The following CDKAL1 variants were observed in gnomAD, a reference collection of about 807,000 sequenced individuals.
CDKAL1 encodes CDKAL1 threonylcarbamoyladenosine tRNA methylthiotransferase, also known as threonylcarbamoyladenosine tRNA methylthiotransferase.
A neutral mutation model predicts 68.2 loss-of-function variants in CDKAL1; 32 were observed. The ratio of observed to expected loss-of-function variants is 0.47; its 90% confidence interval spans 0.35 to 0.63. The LOEUF (loss-of-function observed/expected upper bound fraction) is 0.63. Ranked by LOEUF, CDKAL1 falls within the 30% of genes least tolerant of loss-of-function variation. CDKAL1 has a pLI of 0.00. For missense variants in CDKAL1, 606 were observed against 696.7 expected (o/e 0.87, Z 1.47); for synonymous variants, 234 against 244.3 (o/e 0.96, Z 0.39).
chr6:20,914,778 T>C (rs1762646064), intron 9 of CDKAL1, among the ~76,000 whole-genome samples: 1 of 152,238 alleles, frequency 6.6e-6, no homozygotes, highest in Non-Finnish European at 1.5e-5. Context: ...TAAGAAGCTC[T>C]GTAGTAAACA....
chr6:20,956,463 A>G (rs577058975), intron 10 of CDKAL1, among the ~76,000 whole-genome samples: 37 of 152,208 alleles, frequency 2.4e-4, no homozygotes, highest in Non-Finnish European at 4.6e-4. Context: ...AAATAAAATA[A>G]TTACTTTAGA....
chr6:20,707,240 A>G (rs1471755818), intron 5 of CDKAL1, among the ~76,000 whole-genome samples: 1 of 152,186 alleles, frequency 6.6e-6, no homozygotes, highest in Non-Finnish European at 1.5e-5. Context: ...AAGTGGTCCC[A>G]GTGTTTTGGG....
chr6:20,964,050 G>GA (rs1167586713), intron 10 of CDKAL1, among the ~76,000 whole-genome samples: 27 of 147,720 alleles, frequency 1.8e-4, no homozygotes, highest in East Asian at 2.0e-4. Context: ...ACCATCATAT[G>GA]AAAAAAAAAA....
intron 6 of CDKAL1, among the ~76,000 whole-genome samples, chr6:20,745,540 C>T (rs547874080): frequency 1.3e-5 from 2 of 152,168 alleles, no homozygotes; most frequent in African/African-American, 4.8e-5. Flanking sequence ...CCTTCCTTGA[C>T]CTGTTGGTTT....
intron 5 of CDKAL1, among the ~76,000 whole-genome samples, chr6:20,733,841 T>C (rs1449129435): frequency 6.6e-6 from 1 of 152,132 alleles, no homozygotes; most frequent in African/African-American, 2.4e-5. Context: ...TTTTTTATTA[T>C]GCTATGAATT....
intron 9 of CDKAL1, among the ~76,000 whole-genome samples, chr6:20,886,902 C>T (rs868215370): frequency 1.3e-5 from 2 of 152,260 alleles, no homozygotes; most frequent in Admixed American, 6.5e-5. Context: ...ATATTCAAGA[C>T]ATGGACTGGG....
At chr6:20,953,869 T>A (rs1422750215) in intron 9 of CDKAL1, among the ~76,000 whole-genome samples, 1 of 152,206 alleles carries the variant, frequency 6.6e-6, no homozygotes, top group Non-Finnish European at 1.5e-5. Flanking sequence ...TACTACTAAT[T>A]TTCAGATGCT....
chr6:20,593,560 T>G (rs9460526), intron 4 of CDKAL1, among the ~76,000 whole-genome samples: 4,186 of 151,746 alleles, frequency 0.028, 181 homozygotes, highest in African/African-American at 0.09. Flanking sequence ...TTCTTCTCTC[T>G]TTTCTTCTTT....
Position 20,676,703 on chromosome 6 carries a change from A to AAAT in CDKAL1, c.371+27328_371+27329insTAA, listed in dbSNP as rs574363733. ...TAAATAAATAAATAAATAAATAAAT[A>AAAT]AAATAAAATAAAATAAAAAAGTCTT... On this transcript the variant is annotated intron_variant, in intron 5 of 15. Coordinates refer to ENST00000274695, the MANE Select transcript of CDKAL1 (RefSeq NM_017774.3). 7.7e-3 allele frequency among the ~76,000 whole-genome samples: 1,054 copies of AAAT among 137,294 alleles called. 6 individuals are homozygous for AAAT. The highest frequency in any genetic ancestry group is 0.025 in the South Asian group (111 of 4,452). The allele number at this position is 137,294 out of a possible 152,430, so 90.1% of individuals were successfully genotyped here. A position where few individuals can be genotyped will look rare whatever the true frequency, so the allele number is the denominator to read the frequency against.
At chr6:21,032,680 A>C (rs916197170) in intron 11 of CDKAL1, among the ~76,000 whole-genome samples, 3 of 151,724 alleles carry the variant, frequency 2.0e-5, no homozygotes, top group African/African-American at 7.3e-5. Context: ...TTACCATTGC[A>C]TTTCAGTTGC....
At chr6:21,046,244 C>T (rs1770222148) in intron 11 of CDKAL1, among the ~76,000 whole-genome samples, 1 of 152,208 alleles carries the variant, frequency 6.6e-6, no homozygotes, top group African/African-American at 2.4e-5. Flanking sequence ...ATGTTATTTC[C>T]TTCCCTCCGT....
intron 15 of CDKAL1, among the ~76,000 whole-genome samples, chr6:21,215,723 T>C (rs1779318471): frequency 6.6e-6 from 1 of 152,160 alleles, no homozygotes; most frequent in Admixed American, 6.5e-5. Context: ...TATCCGGTGC[T>C]TTTCTCTGAG....
chr6:21,150,352 A>G (rs1367162706), intron 13 of CDKAL1, among the ~76,000 whole-genome samples: 2 of 152,192 alleles, frequency 1.3e-5, no homozygotes, highest in Non-Finnish European at 2.9e-5. Flanking sequence ...CTAAAAATCA[A>G]AACTCCTGAT....
At chr6:20,594,092 C>T (rs1765712134) in intron 4 of CDKAL1, among the ~76,000 whole-genome samples, 1 of 152,120 alleles carries the variant, frequency 6.6e-6, no homozygotes, top group South Asian at 2.1e-4. Flanking sequence ...TGTTTTACTT[C>T]CAATTATGTG....
At chr6:21,044,472 A>G (rs1770110270) in intron 11 of CDKAL1, among the ~76,000 whole-genome samples, 1 of 152,162 alleles carries the variant, frequency 6.6e-6, no homozygotes. Context: ...TGCTTCTTAC[A>G]TTGGTGGTCA....
intron 15 of CDKAL1, among the ~76,000 whole-genome samples, chr6:21,224,779 T>C (rs549674901): frequency 1.7e-4 from 26 of 152,326 alleles, no homozygotes; most frequent in African/African-American, 6.0e-4. Flanking sequence ...AAAGTAGCAA[T>C]AGAGAACTCA....
chr6:20,897,334 A>G (rs992046878), intron 9 of CDKAL1, among the ~76,000 whole-genome samples: 1 of 152,170 alleles, frequency 6.6e-6, no homozygotes, highest in Admixed American at 6.5e-5. Context: ...CCCAGTAGGA[A>G]TGAATTGGGC....
chr6:20,754,743 T>C (rs1774096480), intron 6 of CDKAL1, among the ~76,000 whole-genome samples: 2 of 152,238 alleles, frequency 1.3e-5, no homozygotes, highest in African/African-American at 4.8e-5. Flanking sequence ...ATTTTCTGTG[T>C]TGTCATGTTA....
At position 21,036,996 on chromosome 6, in the gene CDKAL1, A is replaced by G. The variant is rs1054296949; in HGVS notation, c.1056-28052A>G. Reference sequence around the variant, plus strand: ...GAGGATTCGGATTATCATGGGCCTTATTTGCTCATCATTGATAAAGTTTGG... The same window carrying G: ...GAGGATTCGGATTATCATGGGCCTTGTTTGCTCATCATTGATAAAGTTTGG... On this transcript the variant is annotated intron_variant, in intron 11 of 15. Transcript: ENST00000274695. Among the ~76,000 whole-genome samples the G allele has an allele frequency of 2.6e-5, 4 of 152,226 alleles. No individual in the cohort carries two copies. The East Asian group carries it at 7.7e-4, about 29-fold the overall frequency.
Sources: gnomAD v4.1 joint callset for allele counts (sites outside exome capture counted in the v4.1 genomes callset) on GRCh38, gnomAD v4.1.1 for gene constraint, MANE v1.5 for transcripts, NCBI Gene and HGNC (gene_info 2026-07-23, HGNC 2026-07-21) for gene names.